Variants in CSMD3 observed in about 807,000 individuals in gnomAD.
CSMD3 encodes CUB and sushi domain-containing protein 3.
Under a neutral mutation model 435.2 loss-of-function variants are expected in CSMD3, and 177 were observed. That is an observed-to-expected ratio of 0.41 (90% CI 0.36 to 0.46). The LOEUF is 0.46. CSMD3 is among the 20% of genes least tolerant of loss of function. CSMD3 has a pLI of 0.34. For missense variants in CSMD3, 4,265 were observed against 4,504.6 expected (o/e 0.95, Z 1.52); for synonymous variants, 1,656 against 1,520.5 (o/e 1.09, Z -2.07).
At chr8:113,366,718 C>T (rs1007098490) in intron 1 of CSMD3, among the ~76,000 whole-genome samples, 4 of 151,984 alleles carry the variant, frequency 2.6e-5, no homozygotes, top group Admixed American at 6.6e-5. Context: ...AATCAGTTTG[C>T]TCATTTACAT....
intron 1 of CSMD3, among the ~76,000 whole-genome samples, chr8:113,355,749 T>TATATATATATACACACAC: frequency 1.2e-5 from 1 of 81,324 alleles, no homozygotes; most frequent in African/African-American, 5.6e-5. Context: ...TATATATATA[T>TATATATATATACACACAC]ACACACACAC....
rs527793329 is a variant in CSMD3, at chr8:112,273,569, C to A, written c.9508+7605G>T. On this transcript the variant is annotated intron_variant, in intron 59 of 70. Coordinates refer to ENST00000297405, the MANE Select transcript of CSMD3 (RefSeq NM_198123.2). ...TGAAACCCCGTCTCTACTAAAAATA[C>A]AAAAAAAATAGCCAGGCTTGGTGGC... Among the ~76,000 whole-genome samples the A allele has an allele frequency of 1.8e-3, 276 of 150,896 alleles. 1 individual carries two copies. Among genetic ancestry groups the A allele is most frequent in the Middle Eastern group, 6.8e-3 (2 of 294 alleles).
rs529168021 is a variant in CSMD3 at position 113,142,569 on chromosome 8, T to A, written c.709+31153A>T. Among the ~76,000 whole-genome samples, 6 of 150,446 alleles carry A rather than the reference T, an allele frequency of 4.0e-5. No individual in the cohort carries two copies. The South Asian group carries it at 1.3e-3, about 31-fold the overall frequency. ...TGCTAGAGCAACTGGAAATCCAGAG[T>A]CAAAAAACAAAACAACCTGGAAAGG... On this transcript the variant is annotated intron_variant, in intron 4 of 70. Coordinates refer to ENST00000297405, the MANE Select transcript of CSMD3 (RefSeq NM_198123.2).
chr8:112,988,935 T>A (rs1346938014), intron 6 of CSMD3, among the ~76,000 whole-genome samples: 2 of 152,184 alleles, frequency 1.3e-5, no homozygotes, highest in East Asian at 3.9e-4. Context: ...TTTATACAGC[T>A]GCGGGTAAAT....
At chr8:112,711,382 G>A (rs2076606818) in intron 13 of CSMD3, among the ~76,000 whole-genome samples, 1 of 152,088 alleles carries the variant, frequency 6.6e-6, no homozygotes, top group South Asian at 2.1e-4. Context: ...GAAGTAGGAG[G>A]AGAAAAAATA....
intron 3 of CSMD3, among the ~76,000 whole-genome samples, chr8:113,266,309 A>C (rs1316719397): frequency 6.6e-6 from 1 of 151,350 alleles, no homozygotes; most frequent in Admixed American, 6.6e-5. Flanking sequence ...TTATTTTAAA[A>C]AGACAAAGAT....
Position 112,664,575 on chromosome 8 carries a change from G to A in CSMD3, c.2816+1702C>T, listed in dbSNP as rs116362195. On this transcript the variant is annotated intron_variant, in intron 17 of 70. Coordinates refer to ENST00000297405, the MANE Select transcript of CSMD3 (RefSeq NM_198123.2). ...AATTTTTAAAAATGTGTCAATTATT[G>A]TTGTGGGCTAAATTGTGTTCCCCCA... is the stretch of plus-strand genomic sequence containing the variant. 4.8e-3 allele frequency among the ~76,000 whole-genome samples: 728 copies of A among 152,228 alleles called. 7 individuals are homozygous for A. The highest frequency in any genetic ancestry group is 0.017 in the African/African-American group (694 of 41,536).
intron 67 of CSMD3, among the ~76,000 whole-genome samples, chr8:112,236,548 G>A (rs1296408235): frequency 6.6e-6 from 1 of 152,074 alleles, no homozygotes; most frequent in Non-Finnish European, 1.5e-5. Flanking sequence ...CTAAAACTAA[G>A]AATATGTCTG....
intron 13 of CSMD3, among the ~76,000 whole-genome samples, chr8:112,744,685 G>C (rs1023609764): frequency 6.6e-6 from 1 of 151,836 alleles, no homozygotes; most frequent in Admixed American, 6.6e-5. Context: ...ATGAAGAGAC[G>C]ACTTTGGGCG....
At chr8:112,335,548 A>C in intron 44 of CSMD3, 74 bp from the exon 45 acceptor site, 1 of 1,257,890 alleles carries the variant, frequency 7.9e-7, no homozygotes, top group Non-Finnish European at 1.2e-6. Context: ...GTATTTAATA[A>C]AAGTATTGCA....
At chr8:112,445,501 T>A (rs2167776) in intron 32 of CSMD3, among the ~76,000 whole-genome samples, 67,469 of 151,750 alleles carry the variant, frequency 0.44, 15,597 homozygotes, top group Middle Eastern at 0.6. Flanking sequence ...AGTGGGAGCT[T>A]GGTGGGGGAA....
intron 7 of CSMD3, among the ~76,000 whole-genome samples, chr8:112,961,765 A>T (rs1248651401): frequency 1.3e-5 from 2 of 151,900 alleles, no homozygotes; most frequent in Non-Finnish European, 2.9e-5. Context: ...TTGCATAAAG[A>T]CTCTAAAATT....
chr8:112,836,843 T>A (rs1277660376), intron 11 of CSMD3, among the ~76,000 whole-genome samples: 1 of 151,798 alleles, frequency 6.6e-6, no homozygotes, highest in Non-Finnish European at 1.5e-5. Context: ...TTTTAATAAA[T>A]TCTCAGTTTA....
chr8:113,008,845 AATT>A (rs2086153518), intron 6 of CSMD3, among the ~76,000 whole-genome samples: 6 of 151,386 alleles, frequency 4.0e-5, no homozygotes. Flanking sequence ...TTATTATATT[AATT>A]ATAAGTTTTC....
chr8:112,958,769 C>T lies in CSMD3; in HGVS notation c.1343-4008G>A, dbSNP rs1036804274. The stretch of plus-strand genomic sequence containing the variant: ...ATATCAACTTTTTTGATGAAACAGG[C>T]ATTTGTCTTTATGTTTTATGTTACA... On this transcript the variant is annotated intron_variant, in intron 7 of 70. Coordinates refer to ENST00000297405, the MANE Select transcript of CSMD3 (RefSeq NM_198123.2). 2.6e-5 allele frequency among the ~76,000 whole-genome samples: 4 copies of T among 151,978 alleles called. No homozygotes were observed. The East Asian group carries it at 5.8e-4, about 22-fold the overall frequency.
At chr8:113,248,289 T>C (rs2093297091) in intron 3 of CSMD3, among the ~76,000 whole-genome samples, 2 of 151,404 alleles carry the variant, frequency 1.3e-5, no homozygotes, top group African/African-American at 2.4e-5. Context: ...TTTTCAAATA[T>C]GAGAAAAGTA....
At chr8:112,679,023 T>C (rs754380108) in intron 16 of CSMD3, among the ~76,000 whole-genome samples, 1 of 150,024 alleles carries the variant, frequency 6.7e-6, no homozygotes, top group Non-Finnish European at 1.5e-5. Context: ...CTCCCAACCA[T>C]AGTTCTCTAT....
At chr8:112,494,494 C>CTTTTCTTTCCTTCTTTCTTT (rs377610586) in intron 30 of CSMD3, among the ~76,000 whole-genome samples, 2 of 40,174 alleles carry the variant, frequency 5.0e-5, no homozygotes, top group African/African-American at 1.8e-4. Flanking sequence ...TTCTTTCTCT[C>CTTTTCTTTCCTTCTTTCTTT]CTTTCTTTCT....
At chr8:112,887,056 C>G (rs1275284565) in intron 10 of CSMD3, among the ~76,000 whole-genome samples, 1 of 151,534 alleles carries the variant, frequency 6.6e-6, no homozygotes, top group Non-Finnish European at 1.5e-5. Context: ...GTCACTGAAT[C>G]TCTCTGTACC....
Sources: allele counts gnomAD v4.1 joint callset (sites outside exome capture counted in the v4.1 genomes callset), GRCh38; gene constraint gnomAD v4.1.1; transcripts MANE v1.5; gene names NCBI Gene and HGNC (gene_info 2026-07-23, HGNC 2026-07-21).